ZNF322: variants seen among roughly 807,000 people sequenced by gnomAD.
The protein encoded by ZNF322 is zinc finger protein 322, also known as HLA complex group 12.
A neutral mutation model predicts 18.3 loss-of-function variants in ZNF322; 1 was observed. The ratio of observed to expected loss-of-function variants is 0.05; its 90% CI spans 0.02 to 0.26. ZNF322 has a LOEUF of 0.26. Among genes scored for constraint, ZNF322 ranks in the 10% least tolerant of loss-of-function variants. ZNF322 has a pLI of 1.00. For missense variants in ZNF322, 36 were observed against 403.6 expected, an observed-to-expected ratio of 0.09 and a Z score of 7.80; for synonymous variants, 17 against 130.7, an observed-to-expected ratio of 0.13 and a Z score of 5.93.
chr6:26,655,198 G>T (rs1257159490), intron 2 of ZNF322, among the ~76,000 whole-genome samples: 1 of 152,158 alleles, frequency 6.6e-6, no homozygotes, highest in Admixed American at 6.5e-5. Flanking sequence ...ATTAGATCTT[G>T]GTCCACAGAA....
At chr6:26,639,477 A>C (rs1246418045) in intron 3 of ZNF322, among the ~76,000 whole-genome samples, 2 of 152,184 alleles carry the variant, frequency 1.3e-5, no homozygotes, top group Non-Finnish European at 2.9e-5. Flanking sequence ...TTACATGGTG[A>C]AAAGTTGTAA....
chr6:26,655,332 A>T (rs1561926694), intron 2 of ZNF322, among the ~76,000 whole-genome samples: 1 of 152,238 alleles, frequency 6.6e-6, no homozygotes, highest in South Asian at 2.1e-4. Flanking sequence ...CGATAATGGT[A>T]ATGATAATTT....
At chr6:26,656,887 T>G (rs1554149754) in intron 2 of ZNF322, among the ~76,000 whole-genome samples, 1 of 152,156 alleles carries the variant, frequency 6.6e-6, no homozygotes, top group African/African-American at 2.4e-5. Context: ...GAAATAATTT[T>G]CCTATTCATA....
chr6:26,648,235 T>C (rs1294758013), intron 2 of ZNF322, among the ~76,000 whole-genome samples: 7 of 152,146 alleles, frequency 4.6e-5, no homozygotes, highest in African/African-American at 9.7e-5. Context: ...TCTCCATAGA[T>C]AGTGAAAGAA....
intron 2 of ZNF322, among the ~76,000 whole-genome samples, chr6:26,656,595 A>C (rs1554149705): frequency 2.6e-5 from 4 of 151,944 alleles, no homozygotes; most frequent in African/African-American, 9.6e-5. Context: ...AAAAGGAAGA[A>C]TTCCAACTCA....
At chr6:26,641,491 A>G (rs1428084090) in intron 3 of ZNF322, among the ~76,000 whole-genome samples, 3 of 152,214 alleles carry the variant, frequency 2.0e-5, no homozygotes, top group Admixed American at 6.5e-5. Flanking sequence ...CATTTCAAAT[A>G]TGTGGGGGAA....
chr6:26,656,136 G>C (rs1217909488), intron 2 of ZNF322, among the ~76,000 whole-genome samples: 2 of 151,976 alleles, frequency 1.3e-5, no homozygotes, highest in African/African-American at 4.8e-5. Context: ...ATTTTATTTT[G>C]GTTTTCAAAA....
chr6:26,639,032 C>T (rs1404292409), intron 3 of ZNF322, among the ~76,000 whole-genome samples: 2 of 152,180 alleles, frequency 1.3e-5, no homozygotes, highest in Non-Finnish European at 2.9e-5. Context: ...ATTATGCCTG[C>T]TCATGAAGAA....
At chr6:26,655,089 C>T (rs1223664033) in intron 2 of ZNF322, among the ~76,000 whole-genome samples, 1 of 152,022 alleles carries the variant, frequency 6.6e-6, no homozygotes, top group Non-Finnish European at 1.5e-5. Context: ...AAATAAATGG[C>T]CTAAATATTC....
At chr6:26,652,293 C>G (rs1554149277) in intron 2 of ZNF322, among the ~76,000 whole-genome samples, 1 of 152,162 alleles carries the variant, frequency 6.6e-6, no homozygotes, top group Non-Finnish European at 1.5e-5. Flanking sequence ...GAAGACACAT[C>G]TGATTAAAGA....
chr6:26,645,899 C>T (rs1235741480), intron 2 of ZNF322, among the ~76,000 whole-genome samples: 1 of 151,836 alleles, frequency 6.6e-6, no homozygotes, highest in Non-Finnish European at 1.5e-5. Flanking sequence ...GGTGTGGTGG[C>T]ACATCCCTGT....
In ZNF322 at chr6:26,645,821, C is replaced by T. The variant is rs527584905; in HGVS notation, c.-245-2093G>A. 2.6e-5 allele frequency among the ~76,000 whole-genome samples: 4 copies of T among 152,066 alleles called. No homozygotes were observed. The East Asian group carries it at 5.8e-4, about 22-fold the overall frequency. The stretch of plus-strand genomic sequence containing the variant: ...CCGAGGCAGGCGGATCATATGAGGT[C>T]GGGAGTTCGAGACCAGCCTGACCAA... On this transcript the variant is annotated intron_variant, in intron 2 of 3. Coordinates refer to ENST00000415922, the MANE Select transcript of ZNF322 (RefSeq NM_024639.5).
chr6:26,642,354 C>T (rs1180901376), intron 3 of ZNF322, among the ~76,000 whole-genome samples: 2 of 152,136 alleles, frequency 1.3e-5, no homozygotes, highest in South Asian at 2.1e-4. Context: ...ACTTGCTGAG[C>T]GCCGGTCCCC....
intron 2 of ZNF322, among the ~76,000 whole-genome samples, chr6:26,657,922 T>C (rs1765811235): frequency 1.3e-5 from 2 of 151,970 alleles, no homozygotes. Flanking sequence ...GTGAAAGGAA[T>C]AAACTGGAAC....
chr6:26,657,007 G>A (rs1465421471), intron 2 of ZNF322, among the ~76,000 whole-genome samples: 1 of 152,288 alleles, frequency 6.6e-6, no homozygotes, highest in African/African-American at 2.4e-5. Context: ...CGAGCACTTC[G>A]GGAAGCCGAG....
intron 2 of ZNF322, among the ~76,000 whole-genome samples, chr6:26,653,642 TAAGA>T (rs1379563213): frequency 2.6e-5 from 4 of 152,028 alleles, no homozygotes; most frequent in Non-Finnish European, 4.4e-5. Context: ...GTATTTTATG[TAAGA>T]AAGTAAAAAT....
At chr6:26,646,873 A>G (rs980313706) in intron 2 of ZNF322, among the ~76,000 whole-genome samples, 2 of 152,174 alleles carry the variant, frequency 1.3e-5, no homozygotes, top group African/African-American at 2.4e-5. Context: ...AAATGGGGGG[A>G]AAATAAACTG....
In ZNF322 at chr6:26,636,549, CA is replaced by C. The variant is rs1184210098; in HGVS notation, c.*795del. On this transcript the variant is annotated 3_prime_UTR_variant, in exon 4 of 4. Transcript: ENST00000415922. Reference sequence around the variant, plus strand: ...AGTCTTCTCATACATATTATATGTACATAGATTCTCACCCACAATTAAATCT... The same window carrying C: ...AGTCTTCTCATACATATTATATGTACTAGATTCTCACCCACAATTAAATCT... 6.6e-6 allele frequency: 1 copy of C among 152,102 alleles called. No individual in the cohort carries two copies. Among genetic ancestry groups the C allele is most frequent in the Non-Finnish European group, 1.5e-5 (1 of 68,068 alleles). 9.4% of individuals were successfully genotyped at this position (152,102 alleles called of 1,614,324 possible).
chr6:26,651,866 C>T (rs1765676366), intron 2 of ZNF322, among the ~76,000 whole-genome samples: 1 of 152,168 alleles, frequency 6.6e-6, no homozygotes, highest in Non-Finnish European at 1.5e-5. Flanking sequence ...GGGTCTCGCT[C>T]TGTGTCCCAG....
Sources: gnomAD v4.1 joint callset for allele counts (sites outside exome capture counted in the v4.1 genomes callset) on GRCh38, gnomAD v4.1.1 for gene constraint, MANE v1.5 for transcripts, NCBI Gene and HGNC (gene_info 2026-07-23, HGNC 2026-07-21) for gene names.